KATNIP: variants seen among roughly 807,000 people sequenced by gnomAD.
The protein encoded by KATNIP is katanin-interacting protein.
KATNIP carries 126 observed loss-of-function variants against 174.0 expected under a neutral mutation model. The observed-to-expected ratio is 0.72, with a 90% confidence interval of 0.63 to 0.84. The LOEUF is 0.84. KATNIP is among the 40% of genes least tolerant of loss of function. The pLI is 0.00. For missense variants in KATNIP, 1,958 were observed against 2,109.7 expected, an observed-to-expected ratio of 0.93 and a Z score of 1.41; for synonymous variants, 810 against 835.7, an observed-to-expected ratio of 0.97 and a Z score of 0.53.
intron 19 of KATNIP, among the ~76,000 whole-genome samples, chr16:27,765,783 C>T (rs2082099924): frequency 6.6e-6 from 1 of 152,218 alleles, no homozygotes; most frequent in African/African-American, 2.4e-5. Flanking sequence ...TAATCAGTGT[C>T]CTGCCTCCTC....
chr16:27,698,197 A>T, intron 8 of KATNIP, 131 bp from the exon 9 acceptor site: 1 of 946,274 alleles, frequency 1.1e-6, no homozygotes, highest in Non-Finnish European at 1.6e-6. Context: ...TTTGTCTTTT[A>T]CCGCCTTGAC....
chr16:27,594,237 G>A (rs1250058845), intron 2 of KATNIP, among the ~76,000 whole-genome samples: 1 of 151,976 alleles, frequency 6.6e-6, no homozygotes, highest in Non-Finnish European at 1.5e-5. Context: ...TCCAGCCTGG[G>A]TGACAGAGTG....
chr16:27,573,852 G>A (rs1483407118), intron 1 of KATNIP, 49 bp from the exon 2 acceptor site: 2 of 1,567,038 alleles, frequency 1.3e-6, no homozygotes, highest in Admixed American at 1.7e-5. Context: ...TGATAAACTA[G>A]CTGTTCTAAA....
At chr16:27,701,182 G>A (rs1039836353) in intron 10 of KATNIP, among the ~76,000 whole-genome samples, 3 of 151,972 alleles carry the variant, frequency 2.0e-5, no homozygotes, top group African/African-American at 4.8e-5. Flanking sequence ...TTTTGAGACA[G>A]TGTCTCACTC....
chr16:27,634,481 A>C, intron 5 of KATNIP, among the ~76,000 whole-genome samples: 1 of 152,160 alleles, frequency 6.6e-6, no homozygotes. Context: ...CTAGGACACC[A>C]TTGGGAAGGT....
chr16:27,654,483 G>A, intron 6 of KATNIP: 3 of 764,348 alleles, frequency 3.9e-6, no homozygotes, highest in Non-Finnish European at 5.9e-6. Context: ...AGGAGCAAGA[G>A]CAGAGGGTGA....
intron 8 of KATNIP, among the ~76,000 whole-genome samples, chr16:27,693,680 C>T (rs148055508): frequency 0.062 from 9,428 of 151,450 alleles, 362 homozygotes; most frequent in Middle Eastern, 0.11. Flanking sequence ...TGAGCCACTG[C>T]GCCTGGCCCC....
chr16:27,578,272 GCAGTGAGCCAAGATCA>G (rs1445627953), intron 2 of KATNIP, among the ~76,000 whole-genome samples: 1 of 152,160 alleles, frequency 6.6e-6, no homozygotes, highest in African/African-American at 2.4e-5. Flanking sequence ...GGTAGAGGCT[GCAGTGAGCCAAGATCA>G]CACCACTGCA....
chr16:27,713,739 T>A (rs557147285), intron 13 of KATNIP, among the ~76,000 whole-genome samples: 2 of 132,028 alleles, frequency 1.5e-5, no homozygotes, highest in Non-Finnish European at 1.7e-5. Context: ...TATATACACA[T>A]ACATATTATA....
chr16:27,768,108 C>T (rs554639022), intron 20 of KATNIP, among the ~76,000 whole-genome samples: 338 of 152,190 alleles, frequency 2.2e-3, no homozygotes, highest in African/African-American at 7.6e-3. Flanking sequence ...GGAATGGGCA[C>T]GTGGCCTGAG....
intron 14 of KATNIP, among the ~76,000 whole-genome samples, chr16:27,734,071 T>TTTA (rs915978625): frequency 7.2e-4 from 109 of 151,770 alleles, no homozygotes; most frequent in East Asian, 5.2e-3. Context: ...TAAGGACTTA[T>TTTA]TTATTATTAT....
intron 2 of KATNIP, among the ~76,000 whole-genome samples, chr16:27,613,982 T>A (rs1250785197): frequency 6.6e-6 from 1 of 151,998 alleles, no homozygotes. Flanking sequence ...AGTGACACAA[T>A]CATAGCTCAC....
intron 6 of KATNIP, among the ~76,000 whole-genome samples, chr16:27,662,049 CATATATAT>C (rs750894792): frequency 2.3e-4 from 2 of 8,628 alleles, no homozygotes; most frequent in Admixed American, 1.7e-3. Flanking sequence ...TATACACATA[CATATATAT>C]ATATATATAT....
intron 18 of KATNIP, 29 bp from the exon 19 acceptor site, chr16:27,761,384 C>A: frequency 6.3e-7 from 1 of 1,584,442 alleles, no homozygotes; most frequent in Non-Finnish European, 8.6e-7. Flanking sequence ...GCCTCTGGTG[C>A]TAATGGGCCA....
intron 5 of KATNIP, among the ~76,000 whole-genome samples, chr16:27,647,281 G>A (rs974980136): frequency 1.3e-5 from 2 of 152,134 alleles, no homozygotes; most frequent in South Asian, 4.1e-4. Context: ...TTTCATTTTA[G>A]GATATCTGCA....
At chr16:27,668,076 C>T (rs559455123) in intron 6 of KATNIP, among the ~76,000 whole-genome samples, 2 of 152,320 alleles carry the variant, frequency 1.3e-5, no homozygotes, top group South Asian at 2.1e-4. Flanking sequence ...AAACCTCTTA[C>T]GGGCAGGTTT....
chr16:27,615,705 A>G (rs1002115054), intron 2 of KATNIP, among the ~76,000 whole-genome samples: 1 of 152,106 alleles, frequency 6.6e-6, no homozygotes, highest in African/African-American at 2.4e-5. Flanking sequence ...GAGAAAAGGA[A>G]TGCCCATCAT....
At chr16:27,681,350 C>A in intron 7 of KATNIP, 49 bp from the exon 8 acceptor site, 2 of 1,609,290 alleles carry the variant, frequency 1.2e-6, no homozygotes, top group Non-Finnish European at 1.7e-6. Context: ...ACAGAATGCC[C>A]AACTTGCTTG....
chr16:27,553,632 T>C (rs1298715722), intron 1 of KATNIP, among the ~76,000 whole-genome samples: 1 of 152,002 alleles, frequency 6.6e-6, no homozygotes, highest in Non-Finnish European at 1.5e-5. Context: ...TTCGTCAACA[T>C]AGTGAGACTC....
Sources: allele counts gnomAD v4.1 joint callset (sites outside exome capture counted in the v4.1 genomes callset), GRCh38; gene constraint gnomAD v4.1.1; transcripts MANE v1.5; gene names NCBI Gene and HGNC (gene_info 2026-07-23, HGNC 2026-07-21).